The following ITGB4 variants were observed in gnomAD, a reference collection of about 807,000 sequenced individuals.
ITGB4 encodes integrin beta-4.
A neutral mutation model predicts 207.6 loss-of-function variants in ITGB4; 159 were observed. The ratio of observed to expected loss-of-function variants is 0.77; its 90% confidence interval spans 0.67 to 0.87. The LOEUF (loss-of-function observed/expected upper bound fraction) is 0.87. Among genes scored for constraint, ITGB4 ranks in the 40% least tolerant of loss-of-function variants. The pLI, the probability that ITGB4 is intolerant of heterozygous loss-of-function variation, is 0.00. For synonymous variants in ITGB4, 1,020 were observed against 1,062.7 expected (o/e 0.96, Z 0.78); for missense variants, 2,278 against 2,546.8 (o/e 0.89, Z 2.27).
At chr17:75,754,025 G>A in intron 33 of ITGB4, 51 bp downstream of exon 33, 3 of 845,860 alleles carry the variant, frequency 3.5e-6, no homozygotes, top group Non-Finnish European at 4.8e-6. Flanking sequence ...AGCCTCACTC[G>A]CGCCTGAGGG....
intron 2 of ITGB4, 54 bp downstream of exon 2, chr17:75,724,836 GC>G: frequency 1.4e-6 from 2 of 1,446,938 alleles, no homozygotes; most frequent in Non-Finnish European, 1.9e-6. Context: ...CCTTGGGCAG[GC>G]ATTGCCCTTG....
At chr17:75,745,953 C>T (rs1247741918) in intron 26 of ITGB4, among the ~76,000 whole-genome samples, 1 of 152,200 alleles carries the variant, frequency 6.6e-6, no homozygotes, top group African/African-American at 2.4e-5. Context: ...ATTCAGCAAA[C>T]ATAGGGGAGC....
In ITGB4 at chr17:75,756,423, C is replaced by T. The variant is rs781779030; in HGVS notation, c.4709-6C>T. 1 of 1,613,106 alleles carries T rather than the reference C, an allele frequency of 6.2e-7. No homozygotes were observed. Among genetic ancestry groups the T allele is most frequent in the East Asian group, 2.2e-5 (1 of 44,868 alleles). ...ACTACTGTGTGCCCCCACCTGATCC[C>T]CCCAGGTGAGCTGCATCGGCTCAAC... On this transcript the variant is annotated splice_polypyrimidine_tract_variant and splice_region_variant and intron_variant, in intron 35 of 39. Coordinates refer to ENST00000200181, the MANE Select transcript of ITGB4 (RefSeq NM_000213.5).
chr17:75,740,905 A>G lies in ITGB4; in HGVS notation c.2609+54A>G, dbSNP rs2061094015. ...GGGGAGCCGCTCCTACCGGGACTCC[A>G]GGAGCCGAAGCCCCCAGGCCGATCA... On this transcript the variant is annotated intron_variant, in intron 22 of 39. Coordinates refer to ENST00000200181, the MANE Select transcript of ITGB4 (RefSeq NM_000213.5). This position sits in a 1 kb window ranked among gnomAD's most constrained non-coding sequence, Gnocchi z 5.9. 6.2e-7 allele frequency: 1 copy of G among 1,613,108 alleles called. No individual in the cohort carries two copies.
At chr17:75,735,090 T>G (rs2060944355) in intron 13 of ITGB4, among the ~76,000 whole-genome samples, 1 of 152,186 alleles carries the variant, frequency 6.6e-6, no homozygotes, top group African/African-American at 2.4e-5. Context: ...ATTGATTGAT[T>G]GATTGATTGA....
Position 75,756,522 on chromosome 17 carries a change from G to A in ITGB4, c.4802G>A (p.Arg1601Gln), listed in dbSNP as rs760559492. 20 of 1,613,160 alleles carry A rather than the reference G, an allele frequency of 1.2e-5. No homozygotes were observed. Among genetic ancestry groups the A allele is most frequent in the South Asian group, 2.2e-5 (2 of 91,088 alleles). The change falls in exon 36 of 40, where the codon CGG (arginine) becomes CAG (glutamine). Residue 1601 changes from arginine to glutamine, a missense_variant. Transcript: ENST00000200181. ...LPNHSYVFRVRAQSQEGWGRE... is the reference protein window; with the variant it reads ...LPNHSYVFRVQAQSQEGWGRE... ...AACCACTCCTACGTGTTCCGCGTGC[G>A]GGCCCAGAGCCAGGAAGGCTGGGGC...
Position 75,740,932 on chromosome 17 carries a change from G to C in ITGB4, c.2610-50G>C. 1.9e-6 allele frequency: 3 copies of C among 1,613,860 alleles called. No individual in the cohort carries two copies. The highest frequency in any genetic ancestry group is 2.5e-6 in the Non-Finnish European group (3 of 1,179,926). On this transcript the variant is annotated intron_variant, in intron 22 of 39. Coordinates refer to ENST00000200181, the MANE Select transcript of ITGB4 (RefSeq NM_000213.5). The surrounding 1 kb of genome is among the most constrained non-coding windows in gnomAD (Gnocchi z 5.9). Reference sequence around the variant, plus strand: ...GAGCCGAAGCCCCCAGGCCGATCAGGCCTCCACTTCAGGGCTATCTAGCTC... The same window carrying C: ...GAGCCGAAGCCCCCAGGCCGATCAGCCCTCCACTTCAGGGCTATCTAGCTC...
chr17:75,757,295 G>C lies in ITGB4; in HGVS notation c.5314G>C (p.Glu1772Gln), dbSNP rs375975797. 1 of 1,612,046 alleles carries C rather than the reference G, an allele frequency of 6.2e-7. No homozygotes were observed. Among genetic ancestry groups the C allele is most frequent in the South Asian group, 1.1e-5 (1 of 91,074 alleles). Residue 1772 changes from glutamate to glutamine, a missense_variant, in exon 39 of 40, where the codon GAG (glutamate) becomes CAG (glutamine). Coordinates refer to ENST00000200181, the MANE Select transcript of ITGB4 (RefSeq NM_000213.5). ...SITTTHTSAT[E>Q]PFLVDGLTLG... ...CACCACCACCCACACCAGCGCCACCGAGCCCTTCCTAGTGGGTGAGCACTG... is the reference window on the plus strand; with the variant it reads ...CACCACCACCCACACCAGCGCCACCCAGCCCTTCCTAGTGGGTGAGCACTG...
chr17:75,740,550 G>A lies in ITGB4; in HGVS notation c.2550+89G>A, dbSNP rs982607801. ...GCAGAGCGAATGCGGTCGTGGTACC[G>A]AGATTCATTAACTAGGGGAGAGGGG... is the stretch of plus-strand genomic sequence containing the variant. On this transcript the variant is annotated intron_variant, in intron 21 of 39. Transcript: ENST00000200181. The surrounding 1 kb of genome is among the most constrained non-coding windows in gnomAD (Gnocchi z 5.9). The A allele has an allele frequency of 7.8e-6, 9 of 1,154,314 alleles. No individual in the cohort carries two copies. The highest frequency in any genetic ancestry group is 1.5e-5 in the African/African-American group (1 of 66,280). The allele number at this position is 1,154,314 out of a possible 1,614,324, so 71.5% of individuals were successfully genotyped here. A position where few individuals can be genotyped will look rare whatever the true frequency, so the allele number is the denominator to read the frequency against.
Position 75,756,503 on chromosome 17 carries a change from T to C in ITGB4, c.4783T>C (p.Ser1595Pro), listed in dbSNP as rs751676062. The change falls in exon 36 of 40, where the codon TCC becomes CCC. Residue 1595 changes from serine to proline, a missense_variant. Ser to Pro is a moderately conservative substitution (Grantham distance 74). Transcript: ENST00000200181. Reference sequence around the variant, plus strand: ...GGTGGAAGACCTCCTGCCCAACCACTCCTACGTGTTCCGCGTGCGGGCCCA... The same window carrying C: ...GGTGGAAGACCTCCTGCCCAACCACCCCTACGTGTTCCGCGTGCGGGCCCA... ...VVVEDLLPNHSYVFRVRAQSQ... is the reference protein window; with the variant it reads ...VVVEDLLPNHPYVFRVRAQSQ... 1.2e-6 allele frequency: 2 copies of C among 1,612,924 alleles called. No homozygotes were observed.
At chr17:75,754,490 G>A in intron 33 of ITGB4, 86 bp from the exon 34 acceptor site, 1 of 1,566,258 alleles carries the variant, frequency 6.4e-7, no homozygotes, top group Non-Finnish European at 8.7e-7. Context: ...GAGGGTGGGT[G>A]ACCAGGAATG....
chr17:75,746,697 T>C (rs971525025), intron 26 of ITGB4, among the ~76,000 whole-genome samples: 1 of 150,316 alleles, frequency 6.7e-6, no homozygotes, highest in Non-Finnish European at 1.5e-5. Context: ...CCCAGCACTT[T>C]GGGAGGCCAG....
In ITGB4 at chr17:75,729,443, A is replaced by G; in HGVS notation, c.738+7A>G. On this transcript the variant is annotated splice_region_variant and intron_variant, in intron 7 of 39. Transcript: ENST00000200181. This position sits in a 1 kb window ranked among gnomAD's most constrained non-coding sequence, Gnocchi z 4.4. ...GCAGACAGCTGTGTGCACGGTGGGC[A>G]CTGGGAAGGGTGCTGCCAGCCTAGG... is the stretch of plus-strand genomic sequence containing the variant. The G allele has an allele frequency of 6.2e-7, 1 of 1,613,600 alleles. No homozygotes were observed. The highest frequency in any genetic ancestry group is 8.5e-7 in the Non-Finnish European group (1 of 1,179,706).
chr17:75,741,276 C>G (rs1398092316), intron 23 of ITGB4, among the ~76,000 whole-genome samples: 1 of 152,178 alleles, frequency 6.6e-6, no homozygotes, highest in Non-Finnish European at 1.5e-5. Flanking sequence ...GTCCAGCCCC[C>G]CACCCGGTAC....
Position 75,754,921 on chromosome 17 carries a change from TACAC to T in ITGB4, c.4558+111_4558+114del, listed in dbSNP as rs370162059. 2,723 of 1,563,400 alleles carry T rather than the reference TACAC, an allele frequency of 1.7e-3. 10 individuals are homozygous for T. The highest frequency in any genetic ancestry group is 8.8e-3 in the African/African-American group (650 of 73,886). The stretch of plus-strand genomic sequence containing the variant: ...TGTCCCCACCGCCCATTCTCCAACA[TACAC>T]ACACGCATGCACACATGCACGCACA... On this transcript the variant is annotated intron_variant, in intron 34 of 39. Transcript: ENST00000200181.
Position 75,732,288 on chromosome 17 carries a change from G to A in ITGB4, c.1454+49G>A. The A allele has an allele frequency of 6.4e-7, 1 of 1,567,624 alleles. No individual in the cohort carries two copies. The highest frequency in any genetic ancestry group is 8.8e-7 in the Non-Finnish European group (1 of 1,138,352). ...ACCCAGGACACCAGTGGCCCCTGAT[G>A]GGAAAGCTGGGCTCCTGCAGGGGCC... On this transcript the variant is annotated intron_variant, in intron 12 of 39. Coordinates refer to ENST00000200181, the MANE Select transcript of ITGB4 (RefSeq NM_000213.5). The surrounding 1 kb of genome is among the most constrained non-coding windows in gnomAD (Gnocchi z 5.3).
At chr17:75,730,542 G>A (rs775149172) in intron 8 of ITGB4, 38 bp downstream of exon 8, 2 of 1,611,414 alleles carry the variant, frequency 1.2e-6, no homozygotes, top group Admixed American at 1.7e-5. Flanking sequence ...AGGTGGTCAA[G>A]GTAGGGGGTC....
In ITGB4 at chr17:75,746,760, C is replaced by T. The variant is rs988351907; in HGVS notation, c.3112-2081C>T. ...TTCAAGACCAGCCTGGCCAACATGGCGAAACCCTGTCTGTACCAAAAATAC... is the reference window on the plus strand; with the variant it reads ...TTCAAGACCAGCCTGGCCAACATGGTGAAACCCTGTCTGTACCAAAAATAC... On this transcript the variant is annotated intron_variant, in intron 26 of 39. Transcript: ENST00000200181. Among the ~76,000 whole-genome samples, 5 of 151,116 alleles carry T rather than the reference C, an allele frequency of 3.3e-5. No homozygotes were observed. In the East Asian group the frequency reaches 6.0e-4, roughly 18 times the overall value.
At position 75,724,778 on chromosome 17, in the gene ITGB4, C is replaced by T. The variant is rs1199105103; in HGVS notation, c.75C>T (p.Thr25=). 6.2e-7 allele frequency: 1 copy of T among 1,613,400 alleles called. No individual in the cohort carries two copies. The highest frequency in any genetic ancestry group is 1.7e-5 in the Admixed American group (1 of 60,012). ...AALISVSLSG[T]LANRCKKAPV... Reference sequence around the variant, plus strand: ...TGATCAGCGTCAGCCTCTCTGGGACCTTGGGTGAGTCCACGTTGCCCTGCA... The same window carrying T: ...TGATCAGCGTCAGCCTCTCTGGGACTTTGGGTGAGTCCACGTTGCCCTGCA... Residue 25 remains threonine (T), a synonymous_variant, in exon 2 of 40, where the codon ACC becomes ACT. Transcript: ENST00000200181.
Sources: allele counts gnomAD v4.1 joint callset (sites outside exome capture counted in the v4.1 genomes callset), GRCh38; gene constraint gnomAD v4.1.1; non-coding constraint Gnocchi (gnomAD v3.1); transcripts MANE v1.5; gene names NCBI Gene and HGNC (gene_info 2026-07-23, HGNC 2026-07-21).